RNF115: variants seen among roughly 807,000 people sequenced by gnomAD.
RNF115 encodes the protein ring finger protein 115, also known as E3 ubiquitin-protein ligase RNF115.
A neutral mutation model predicts 39.2 loss-of-function variants in RNF115; 31 were observed. That is an observed-to-expected ratio of 0.79 (90% CI 0.59 to 1.07). The LOEUF is 1.07. Among genes scored for constraint, RNF115 ranks in the 50% least tolerant of loss-of-function variants. The pLI is 0.00. For synonymous variants in RNF115, 124 were observed against 131.0 expected (o/e 0.95, Z 0.37); for missense variants, 384 against 381.7 (o/e 1.01, Z -0.05).
At chr1:145,792,293 G>C (rs1207672611) in intron 1 of RNF115, among the ~76,000 whole-genome samples, 1 of 151,900 alleles carries the variant, frequency 6.6e-6, no homozygotes, top group Non-Finnish European at 1.5e-5. Flanking sequence ...GCTGTATTTG[G>C]CTCTTCAAAG....
intron 1 of RNF115, among the ~76,000 whole-genome samples, chr1:145,801,258 C>T (rs782063440): frequency 6.6e-6 from 1 of 152,152 alleles, no homozygotes; most frequent in African/African-American, 2.4e-5. Flanking sequence ...TTTCATTATA[C>T]CATGCTGATT....
chr1:145,750,463 G>C lies in RNF115; in HGVS notation c.611C>G (p.Ala204Gly). 1.9e-6 allele frequency: 3 copies of C among 1,614,046 alleles called. No homozygotes were observed. Among genetic ancestry groups the C allele is most frequent in the Non-Finnish European group, 2.5e-6 (3 of 1,179,952 alleles). ...AAGAGATGTGATCTTTTCCTTGTCA[G>C]CTGGGGGAGGGCCTGTGTTTTCCAG... ...GQLENTGPPP[A>G]DKEKITSLPT... Residue 204 changes from alanine to glycine, a missense_variant, in exon 7 of 9, where the codon GCT (alanine) becomes GGT (glycine). Physicochemically the swap from Ala to Gly is moderately conservative, Grantham distance 60. Coordinates refer to ENST00000582693, the MANE Select transcript of RNF115 (RefSeq NM_014455.4).
intron 6 of RNF115, among the ~76,000 whole-genome samples, chr1:145,751,156 T>G (rs1553712419): frequency 6.6e-6 from 1 of 152,222 alleles, no homozygotes; most frequent in African/African-American, 2.4e-5. Context: ...CTTATAGAAC[T>G]GAGCAAGAGA....
chr1:145,760,986 AAAG>A (rs1658480245), intron 4 of RNF115, among the ~76,000 whole-genome samples: 1 of 152,226 alleles, frequency 6.6e-6, no homozygotes, highest in South Asian at 2.1e-4. Flanking sequence ...GAACTGGAGC[AAAG>A]AAGACTCTTG....
At chr1:145,768,596 G>T (rs1647491042) in intron 4 of RNF115, among the ~76,000 whole-genome samples, 1 of 152,104 alleles carries the variant, frequency 6.6e-6, no homozygotes, top group South Asian at 2.1e-4. Context: ...TTACAGGTGT[G>T]AGCCACCGCA....
rs587765031 is a variant in RNF115, at chr1:145,789,784, A to T, written c.103-818T>A. On this transcript the variant is annotated intron_variant, in intron 1 of 8. Transcript: ENST00000582693. ...GAGTGCAATGGTGTGATCTCAGCTC[A>T]CTGCAACCTCCACCTCCTGGGTTTA... Among the ~76,000 whole-genome samples the T allele has an allele frequency of 3.6e-5, 5 of 138,604 alleles. No homozygotes were observed. In the East Asian group the frequency reaches 1.1e-3, roughly 29 times the overall value. The allele number at this position is 138,604 out of a possible 152,430, so 90.9% of individuals were successfully genotyped here.
chr1:145,764,745 A>G (rs1033235228), intron 4 of RNF115, among the ~76,000 whole-genome samples: 3 of 146,102 alleles, frequency 2.1e-5, no homozygotes, highest in African/African-American at 7.6e-5. Flanking sequence ...TGCCCCATCC[A>G]GGAGGGAGGT....
intron 4 of RNF115, among the ~76,000 whole-genome samples, chr1:145,770,896 A>C (rs1647607825): frequency 1.3e-5 from 2 of 152,074 alleles, no homozygotes; most frequent in Admixed American, 1.3e-4. Flanking sequence ...ACACTCAACA[A>C]ACATTTATTA....
intron 2 of RNF115, among the ~76,000 whole-genome samples, chr1:145,786,684 A>G (rs1231557025): frequency 1.3e-5 from 2 of 152,246 alleles, no homozygotes; most frequent in African/African-American, 4.8e-5. Flanking sequence ...AAAAGTTGGC[A>G]AAAGATAAGC....
chr1:145,818,771 CAGA>C (rs1194648778), intron 1 of RNF115, among the ~76,000 whole-genome samples: 56 of 151,642 alleles, frequency 3.7e-4, no homozygotes, highest in Non-Finnish European at 7.4e-5. Context: ...CCAAAGCCAG[CAGA>C]AGAAATAACC....
At chr1:145,789,469 G>C (rs946880191) in intron 1 of RNF115, among the ~76,000 whole-genome samples, 1 of 151,574 alleles carries the variant, frequency 6.6e-6, no homozygotes, top group African/African-American at 2.4e-5. Flanking sequence ...CATGATCTCG[G>C]CTCACGGCAA....
intron 4 of RNF115, among the ~76,000 whole-genome samples, chr1:145,764,930 G>T (rs1456224067): frequency 6.6e-6 from 1 of 152,240 alleles, no homozygotes; most frequent in African/African-American, 2.4e-5. Context: ...GTACCCAACA[G>T]CTCATTGAGA....
intron 8 of RNF115, among the ~76,000 whole-genome samples, chr1:145,747,358 G>A (rs1468044273): frequency 6.6e-6 from 1 of 152,138 alleles, no homozygotes; most frequent in East Asian, 1.9e-4. Flanking sequence ...TGTTTAAAGG[G>A]ACAGGAAAAT....
chr1:145,752,987 G>T lies in RNF115; in HGVS notation c.491C>A (p.Pro164His). ...ANSAIPGSPH[P>H]FSWSGMLHSN... ...ACAATTAGTTACTTACCAGGAAAAA[G>T]GGTGTGGAGATCCAGGAATGGCAGA... Residue 164 changes from proline (P) to histidine (H), a missense_variant, in exon 5 of 9, where the codon CCT becomes CAT. Transcript: ENST00000582693. 2 of 1,602,390 alleles carry T rather than the reference G, an allele frequency of 1.2e-6. No individual in the cohort carries two copies. Among genetic ancestry groups the T allele is most frequent in the Non-Finnish European group, 1.7e-6 (2 of 1,169,514 alleles).
In RNF115 at chr1:145,779,173, TA is replaced by T. The variant is rs1648010939; in HGVS notation, c.219+5365del. ...GTAGCCATTAAAGAATATGAAGTCC[TA>T]ATTTTTTTTTTTTTTTTGGAGACAG... is the stretch of plus-strand genomic sequence containing the variant. On this transcript the variant is annotated intron_variant, in intron 3 of 8. Coordinates refer to ENST00000582693, the MANE Select transcript of RNF115 (RefSeq NM_014455.4). 3.1e-5 allele frequency among the ~76,000 whole-genome samples: 4 copies of T among 127,534 alleles called. No homozygotes were observed. In the South Asian group the frequency reaches 1.1e-3, roughly 37 times the overall value. 83.7% of individuals were successfully genotyped at this position (127,534 alleles called of 152,430 possible).
At chr1:145,774,905 T>C (rs1647811393) in intron 3 of RNF115, among the ~76,000 whole-genome samples, 1 of 152,160 alleles carries the variant, frequency 6.6e-6, no homozygotes, top group East Asian at 1.9e-4. Flanking sequence ...ATATTGACCT[T>C]AGTATACAGA....
intron 1 of RNF115, among the ~76,000 whole-genome samples, chr1:145,795,320 G>C (rs1248737233): frequency 1.3e-5 from 2 of 152,054 alleles, no homozygotes; most frequent in African/African-American, 2.4e-5. Flanking sequence ...TTACTGAGAA[G>C]AGCCAAGAAC....
At chr1:145,815,414 C>T (rs1649947163) in intron 1 of RNF115, among the ~76,000 whole-genome samples, 1 of 152,232 alleles carries the variant, frequency 6.6e-6, no homozygotes, top group Admixed American at 6.5e-5. Flanking sequence ...CTCATCAATA[C>T]CAAAAGTAGG....
intron 1 of RNF115, among the ~76,000 whole-genome samples, chr1:145,796,759 A>T (rs1291768276): frequency 6.6e-6 from 1 of 152,138 alleles, no homozygotes; most frequent in African/African-American, 2.4e-5. Flanking sequence ...CATCTCCAGA[A>T]CCTTCTCATC....
Sources: gnomAD v4.1 joint callset for allele counts (sites outside exome capture counted in the v4.1 genomes callset) on GRCh38, gnomAD v4.1.1 for gene constraint, MANE v1.5 for transcripts, NCBI Gene and HGNC (gene_info 2026-07-23, HGNC 2026-07-21) for gene names.